SEMA3A: variants seen among roughly 807,000 people sequenced by gnomAD.
The protein encoded by SEMA3A is semaphorin-3A.
Under a neutral mutation model 97.9 loss-of-function variants are expected in SEMA3A, and 29 were observed. The observed-to-expected ratio is 0.30, with a 90% CI of 0.22 to 0.40. The LOEUF is 0.40. SEMA3A is among the 10% of genes least tolerant of loss of function. SEMA3A has a pLI of 1.00. For missense variants in SEMA3A, 763 were observed against 951.3 expected (o/e 0.80, Z 2.60); for synonymous variants, 321 against 323.7 (o/e 0.99, Z 0.09).
At chr7:84,311,514 A>G (rs1365549746) in intron 2 of SEMA3A, among the ~76,000 whole-genome samples, 1 of 151,936 alleles carries the variant, frequency 6.6e-6, no homozygotes, top group Admixed American at 6.6e-5. Flanking sequence ...ACCAGATTAC[A>G]GGGTTTTTTG....
intron 1 of SEMA3A, among the ~76,000 whole-genome samples, chr7:84,387,352 T>A (rs903232662): frequency 6.6e-6 from 1 of 152,190 alleles, no homozygotes; most frequent in African/African-American, 2.4e-5. Flanking sequence ...TTGGGTTTCC[T>A]AGAATTATTT....
intron 4 of SEMA3A, among the ~76,000 whole-genome samples, chr7:84,081,411 T>A (rs1794154211): frequency 6.6e-6 from 1 of 151,914 alleles, no homozygotes; most frequent in Non-Finnish European, 1.5e-5. Flanking sequence ...GCTAACACGG[T>A]GAAACCCCGT....
rs1788401696 is a variant in SEMA3A at position 83,959,889 on chromosome 7, C to G, written c.*1482G>C. The G allele has an allele frequency of 6.6e-6, 1 of 152,030 alleles. No homozygotes were observed. Among genetic ancestry groups the G allele is most frequent in the South Asian group, 2.1e-4 (1 of 4,826 alleles). 9.4% of individuals were successfully genotyped at this position (152,030 alleles called of 1,614,324 possible). ...AATCGTCTTAGGACAATGAAGGAAG[C>G]AAATCTTGAATTTTAGTCTTTTACC... On this transcript the variant is annotated 3_prime_UTR_variant, in exon 17 of 17. Coordinates refer to ENST00000265362, the MANE Select transcript of SEMA3A (RefSeq NM_006080.3).
At chr7:83,991,217 G>T (rs1379055561) in intron 12 of SEMA3A, among the ~76,000 whole-genome samples, 1 of 151,816 alleles carries the variant, frequency 6.6e-6, no homozygotes, top group Admixed American at 6.6e-5. Flanking sequence ...AGGAGATTTT[G>T]GGCTGAGACA....
chr7:84,044,254 C>T (rs1421074775), intron 6 of SEMA3A, among the ~76,000 whole-genome samples: 2 of 152,010 alleles, frequency 1.3e-5, no homozygotes, highest in East Asian at 3.9e-4. Flanking sequence ...GAATATTCCC[C>T]TGGGTTTTTG....
At chr7:84,299,336 G>GCA (rs1800948517) in intron 3 of SEMA3A, among the ~76,000 whole-genome samples, 2 of 87,880 alleles carry the variant, frequency 2.3e-5, no homozygotes, top group African/African-American at 8.3e-5. Flanking sequence ...CCATATATAT[G>GCA]TATCTCTCTC....
chr7:84,241,502 T>G (rs1464171611), intron 3 of SEMA3A, among the ~76,000 whole-genome samples: 1 of 152,208 alleles, frequency 6.6e-6, no homozygotes. Context: ...ATTCTGGATA[T>G]TAAGGCTTTG....
intron 3 of SEMA3A, among the ~76,000 whole-genome samples, chr7:84,281,943 C>T (rs1800448584): frequency 6.6e-6 from 1 of 152,112 alleles, no homozygotes; most frequent in Non-Finnish European, 1.5e-5. Context: ...TCTGTATCTT[C>T]ATGGATATCT....
chr7:84,154,727 T>A (rs1246695077), intron 1 of SEMA3A, among the ~76,000 whole-genome samples: 1 of 150,632 alleles, frequency 6.6e-6, no homozygotes, highest in East Asian at 1.9e-4. Flanking sequence ...GATGATGACA[T>A]TAGTGCAATA....
At chr7:84,189,328 C>G (rs1295144623) in intron 1 of SEMA3A, among the ~76,000 whole-genome samples, 2 of 151,726 alleles carry the variant, frequency 1.3e-5, no homozygotes. Context: ...TCTGTAATAT[C>G]ATGACTTTGT....
intron 4 of SEMA3A, among the ~76,000 whole-genome samples, chr7:84,084,192 ATTCCT>A (rs967750400): frequency 5.3e-4 from 81 of 152,170 alleles, no homozygotes; most frequent in Middle Eastern, 3.4e-3. Context: ...ACAGTTCTCT[ATTCCT>A]TTCAAGTTGC....
rs2116245919 is a variant in SEMA3A at position 83,961,466 on chromosome 7, G to T, written c.2221C>A (p.Pro741Thr). 1.9e-6 allele frequency: 3 copies of T among 1,613,946 alleles called. No individual in the cohort carries two copies. The South Asian group carries it at 3.3e-5, about 18-fold the overall frequency. ...KQRRQRPGHT[P>T]GNSNKWKHLQ... Reference sequence around the variant, plus strand: ...TGCTTCCATTTGTTACTGTTCCCTGGGGTATGTCCTGGCCTTTGCCGACGT... The same window carrying T: ...TGCTTCCATTTGTTACTGTTCCCTGTGGTATGTCCTGGCCTTTGCCGACGT... The change falls in exon 17 of 17, where the codon CCA (proline) becomes ACA (threonine). Residue 741 changes from proline to threonine, a missense_variant. Physicochemically the swap from Pro to Thr is conservative, Grantham distance 38. Coordinates refer to ENST00000265362, the MANE Select transcript of SEMA3A (RefSeq NM_006080.3).
chr7:84,146,008 T>C (rs1796453105), intron 1 of SEMA3A, among the ~76,000 whole-genome samples: 1 of 152,178 alleles, frequency 6.6e-6, no homozygotes, highest in Non-Finnish European at 1.5e-5. Context: ...CTCCTGCTTC[T>C]AGTTGATTTT....
At position 83,961,398 on chromosome 7, in the gene SEMA3A, T is replaced by A. The variant is rs1212401434; in HGVS notation, c.2289A>T (p.Glu763Asp). ...AGACACTCCTGGGTGCCCTCTCAAATTCGTGGGTCCTCCTGTTTCTACCTT... is the reference window on the plus strand; with the variant it reads ...AGACACTCCTGGGTGCCCTCTCAAAATCGTGGGTCCTCCTGTTTCTACCTT... ...NKKGRNRRTH[E>D]FERAPRSV is the part of the protein sequence containing the mutation. The change falls in exon 17 of 17, where the codon GAA becomes GAT. Residue 763 changes from glutamate (E) to aspartate (D), a missense_variant. Physicochemically the swap from Glu to Asp is conservative, Grantham distance 45. Coordinates refer to ENST00000265362, the MANE Select transcript of SEMA3A (RefSeq NM_006080.3). The A allele has an allele frequency of 6.2e-7, 1 of 1,614,060 alleles. No individual in the cohort carries two copies. Among genetic ancestry groups the A allele is most frequent in the Non-Finnish European group, 8.5e-7 (1 of 1,179,924 alleles).
chr7:84,212,845 G>A (rs2116321707), intron 3 of SEMA3A, among the ~76,000 whole-genome samples: 1 of 152,270 alleles, frequency 6.6e-6, no homozygotes, highest in South Asian at 2.1e-4. Context: ...ATCTGCATAT[G>A]TGTGTTTATC....
At chr7:84,183,040 C>G (rs1223994917) in intron 1 of SEMA3A, among the ~76,000 whole-genome samples, 1 of 152,120 alleles carries the variant, frequency 6.6e-6, no homozygotes. Context: ...GCACTGTAAT[C>G]CAAAACCTAG....
intron 1 of SEMA3A, among the ~76,000 whole-genome samples, chr7:84,432,099 G>C (rs2527526): frequency 0.14 from 21,432 of 151,924 alleles, 3,095 homozygotes; most frequent in African/African-American, 0.36. Flanking sequence ...GAGGCAGAGT[G>C]ATTTCTCTTC....
At chr7:84,441,398 A>T (rs34769908) in intron 1 of SEMA3A, among the ~76,000 whole-genome samples, 1 of 151,772 alleles carries the variant, frequency 6.6e-6, no homozygotes, top group Non-Finnish European at 1.5e-5. Flanking sequence ...AAATATAATA[A>T]CAGAAATGAA....
intron 1 of SEMA3A, among the ~76,000 whole-genome samples, chr7:84,408,242 A>T (rs1292584643): frequency 6.6e-6 from 1 of 152,228 alleles, no homozygotes; most frequent in Non-Finnish European, 1.5e-5. Context: ...GGATATGAAC[A>T]GACGCTTCTC....
Sources: allele counts gnomAD v4.1 joint callset (sites outside exome capture counted in the v4.1 genomes callset), GRCh38; gene constraint gnomAD v4.1.1; transcripts MANE v1.5; gene names NCBI Gene and HGNC (gene_info 2026-07-23, HGNC 2026-07-21).